The following CCDC91 variants were observed in gnomAD, a reference collection of about 807,000 sequenced individuals.
CCDC91 encodes the protein coiled-coil domain containing 91, also known as coiled-coil domain-containing protein 91.
A neutral mutation model predicts 63.2 loss-of-function variants in CCDC91; 48 were observed. That is an observed-to-expected ratio of 0.76 (90% CI 0.60 to 0.97). The LOEUF (loss-of-function observed/expected upper bound fraction) is 0.97, where lower values mean the gene tolerates loss of function less well. Among genes scored for constraint, CCDC91 ranks in the 50% least tolerant of loss-of-function variants. CCDC91 has a pLI of 0.00. For synonymous variants in CCDC91, 167 were observed against 165.8 expected (o/e 1.01, Z -0.06); for missense variants, 500 against 494.6 (o/e 1.01, Z -0.10).
intron 1 of CCDC91, among the ~76,000 whole-genome samples, chr12:28,214,269 TG>T (rs1943419785): frequency 6.6e-6 from 1 of 152,060 alleles, no homozygotes; most frequent in African/African-American, 2.4e-5. Context: ...TAACTACCAA[TG>T]AGAAATTAGA....
chr12:28,346,827 T>G (rs1487891808), intron 6 of CCDC91, among the ~76,000 whole-genome samples: 3 of 152,174 alleles, frequency 2.0e-5, no homozygotes, highest in African/African-American at 7.2e-5. Flanking sequence ...CCATTGGTGA[T>G]CAACTTGACC....
chr12:28,233,736 A>G (rs1343318235), intron 1 of CCDC91, among the ~76,000 whole-genome samples: 3 of 152,104 alleles, frequency 2.0e-5, no homozygotes, highest in African/African-American at 7.2e-5. Context: ...TTTGGGAGGA[A>G]GAAACTCTAT....
In CCDC91 at chr12:28,359,651, C is replaced by G. The variant is rs138081407; in HGVS notation, c.577-2787C>G. Among the ~76,000 whole-genome samples the G allele has an allele frequency of 8.7e-3, 1,317 of 152,162 alleles. 19 individuals are homozygous for G. The highest frequency in any genetic ancestry group is 0.014 in the Non-Finnish European group (928 of 67,972). On this transcript the variant is annotated intron_variant, in intron 6 of 12. Transcript: ENST00000536442. ...GGTAGCCTATTTTATATTAGCTTTT[C>G]TATTTTGTAAAGCAGTCTCTGGGTA...
In CCDC91 at chr12:28,355,010, TTCC is replaced by T. The variant is rs201651593; in HGVS notation, c.577-7422_577-7420del. ...CCTTCTCCCTCCTGCCTCTCCTTTT[TTCC>T]TCCTCTTTTATCCCTCTTTCTCCTT... On this transcript the variant is annotated intron_variant, in intron 6 of 12. Transcript: ENST00000536442. 8.1e-3 allele frequency among the ~76,000 whole-genome samples: 1,228 copies of T among 152,206 alleles called. 42 individuals carry two copies. Among genetic ancestry groups the T allele is most frequent in the Admixed American group, 0.06 (918 of 15,266 alleles).
At chr12:28,214,590 T>C (rs987355211) in intron 1 of CCDC91, among the ~76,000 whole-genome samples, 3 of 152,192 alleles carry the variant, frequency 2.0e-5, no homozygotes, top group Non-Finnish European at 4.4e-5. Flanking sequence ...TTTGTGTGTG[T>C]GTGTGTGTTT....
chr12:28,532,269 A>G (rs1192886776), intron 12 of CCDC91, among the ~76,000 whole-genome samples: 1 of 152,062 alleles, frequency 6.6e-6, no homozygotes, highest in Admixed American at 6.6e-5. Flanking sequence ...TGGAGGGGTG[A>G]ATATCCCTAT....
At chr12:28,539,022 A>AAATTTTCTCCCATTCT (rs1396379517) in intron 12 of CCDC91, among the ~76,000 whole-genome samples, 18 of 151,904 alleles carry the variant, frequency 1.2e-4, no homozygotes, top group Admixed American at 4.6e-4. Context: ...TTGTCAGATG[A>AAATTTTCTCCCATTCT]GTAGGTTGCA....
intron 8 of CCDC91, among the ~76,000 whole-genome samples, chr12:28,407,439 A>G (rs78031917): frequency 0.013 from 1,986 of 152,308 alleles, 48 homozygotes; most frequent in African/African-American, 0.045. Context: ...ATATTTAGTC[A>G]GTTTTGAAAT....
At chr12:28,202,925 A>G (rs1289425162) in intron 1 of CCDC91, among the ~76,000 whole-genome samples, 4 of 152,214 alleles carry the variant, frequency 2.6e-5, no homozygotes, top group Non-Finnish European at 5.9e-5. Flanking sequence ...GTTTTTGACA[A>G]ATGCTATCTG....
At chr12:28,234,448 T>A (rs1944801576) in intron 1 of CCDC91, among the ~76,000 whole-genome samples, 1 of 152,198 alleles carries the variant, frequency 6.6e-6, no homozygotes, top group Non-Finnish European at 1.5e-5. Flanking sequence ...AATAGTCAAC[T>A]TTTTCATGGA....
intron 3 of CCDC91, among the ~76,000 whole-genome samples, chr12:28,282,836 C>G (rs1948687690): frequency 6.6e-6 from 1 of 152,024 alleles, no homozygotes; most frequent in South Asian, 2.1e-4. Flanking sequence ...TTTATGGTTT[C>G]AGGTCTTAGA....
intron 12 of CCDC91, among the ~76,000 whole-genome samples, chr12:28,527,717 A>T (rs1357487798): frequency 6.6e-6 from 1 of 152,148 alleles, no homozygotes; most frequent in Non-Finnish European, 1.5e-5. Flanking sequence ...GGACCATTAG[A>T]TGGTGGCAGG....
Position 28,205,222 on chromosome 12 carries a change from G to A in CCDC91, c.-15+14581G>A, listed in dbSNP as rs112349961. 1.0e-3 allele frequency among the ~76,000 whole-genome samples: 159 copies of A among 152,012 alleles called. 1 individual carries two copies. Among genetic ancestry groups the A allele is most frequent in the African/African-American group, 3.4e-3 (142 of 41,522 alleles). On this transcript the variant is annotated intron_variant, in intron 1 of 12. Transcript: ENST00000536442. The stretch of plus-strand genomic sequence containing the variant: ...GAAGGGAGAATGAAGAGGGAAAGGC[G>A]AATGAAGGTGTGCTTCAGACTTTTT...
chr12:28,363,720 A>T (rs1438391730), intron 7 of CCDC91, among the ~76,000 whole-genome samples: 1 of 151,906 alleles, frequency 6.6e-6, no homozygotes, highest in Non-Finnish European at 1.5e-5. Flanking sequence ...TATTAATAAT[A>T]CAAAAAATTA....
At chr12:28,485,251 C>T (rs1281416296) in intron 12 of CCDC91, among the ~76,000 whole-genome samples, 5 of 151,774 alleles carry the variant, frequency 3.3e-5, no homozygotes, top group African/African-American at 7.3e-5. Context: ...CTCTGCCTCC[C>T]GGATTCAAGC....
chr12:28,330,156 C>G (rs1367451004), intron 6 of CCDC91, among the ~76,000 whole-genome samples: 4 of 152,070 alleles, frequency 2.6e-5, no homozygotes, highest in African/African-American at 9.7e-5. Flanking sequence ...GGGTCAAATG[C>G]TATTTCTAGT....
At position 28,339,985 on chromosome 12, in the gene CCDC91, C is replaced by T. The variant is rs114012675; in HGVS notation, c.577-22453C>T. On this transcript the variant is annotated intron_variant, in intron 6 of 12. Coordinates refer to ENST00000536442, the MANE Select transcript of CCDC91 (RefSeq NM_018318.5). Reference sequence around the variant, plus strand: ...ACACATATATATGTATATATACACACACTACTTATAGCTATATTTTGTATA... The same window carrying T: ...ACACATATATATGTATATATACACATACTACTTATAGCTATATTTTGTATA... Among the ~76,000 whole-genome samples, 919 of 152,222 alleles carry T rather than the reference C, an allele frequency of 6.0e-3. 13 individuals are homozygous for T. Among genetic ancestry groups the T allele is most frequent in the African/African-American group, 0.021 (856 of 41,528 alleles).
At chr12:28,278,672 T>C (rs1948404306) in intron 3 of CCDC91, among the ~76,000 whole-genome samples, 1 of 152,080 alleles carries the variant, frequency 6.6e-6, no homozygotes, top group African/African-American at 2.4e-5. Context: ...TTCAATTATA[T>C]TGAAGTACTT....
chr12:28,460,212 A>G (rs1307863263), intron 11 of CCDC91, among the ~76,000 whole-genome samples: 3 of 152,132 alleles, frequency 2.0e-5, no homozygotes, highest in Admixed American at 2.0e-4. Flanking sequence ...TAGAAGCAAC[A>G]TCATTGGCAG....
Sources: gnomAD v4.1 joint callset for allele counts (sites outside exome capture counted in the v4.1 genomes callset) on GRCh38, gnomAD v4.1.1 for gene constraint, MANE v1.5 for transcripts, NCBI Gene and HGNC (gene_info 2026-07-23, HGNC 2026-07-21) for gene names.